Variants in TARS1 observed in about 807,000 individuals in gnomAD.
The protein encoded by TARS1 is threonyl-tRNA synthetase 1, also known as threonine--tRNA ligase 1, cytoplasmic.
Under a neutral mutation model 97.7 loss-of-function variants are expected in TARS1, and 57 were observed. The observed-to-expected ratio is 0.58, with a 90% CI of 0.47 to 0.73. The LOEUF is 0.73. Among genes scored for constraint, TARS1 ranks in the 30% least tolerant of loss-of-function variants. The pLI is 0.00. For missense variants in TARS1, 806 were observed against 888.3 expected (o/e 0.91, Z 1.18); for synonymous variants, 312 against 293.7 (o/e 1.06, Z -0.64).
chr5:33,441,274 G>A, intron 1 of TARS1, 131 bp downstream of exon 1: 6 of 1,080,614 alleles, frequency 5.6e-6, no homozygotes, highest in Non-Finnish European at 8.3e-6. Context: ...AGTGGGGGAT[G>A]GTGGGACTCC....
At position 33,468,079 on chromosome 5, in the gene TARS1, T is replaced by A. The variant is rs540848257; in HGVS notation, c.*371T>A. On this transcript the variant is annotated 3_prime_UTR_variant, in exon 19 of 19. Transcript: ENST00000265112. ...TTATGGTGTAAAAATAAAAAAAAAA[T>A]TTATTCACATAAGTTTCAAGACTGC... 12 of 174,956 alleles carry A rather than the reference T, an allele frequency of 6.9e-5. No individual in the cohort carries two copies. Among genetic ancestry groups the A allele is most frequent in the East Asian group, 1.7e-4 (1 of 5,874 alleles). The allele number at this position is 174,956 out of a possible 1,614,324, so 10.8% of individuals were successfully genotyped here. A position where few individuals can be genotyped will look rare whatever the true frequency, so the allele number is the denominator to read the frequency against.
chr5:33,443,341 C>CTCTCTCTCTCTCTCTCTCTCTCTCTCTT (rs1561066258), intron 1 of TARS1, among the ~76,000 whole-genome samples: 1 of 150,444 alleles, frequency 6.6e-6, no homozygotes, highest in African/African-American at 2.5e-5. Flanking sequence ...CTCTCTCTCT[C>CTCTCTCTCTCTCTCTCTCTCTCTCTCTT]TCTCTCTCTC....
chr5:33,459,553 A>G, intron 10 of TARS1, 142 bp from the exon 11 acceptor site: 1 of 984,824 alleles, frequency 1.0e-6, no homozygotes, highest in Non-Finnish European at 1.5e-6. Context: ...TCTCTGGTAT[A>G]TACTTAGAAG....
chr5:33,461,552 C>A, intron 13 of TARS1, 115 bp from the exon 14 acceptor site: 1 of 1,154,514 alleles, frequency 8.7e-7, no homozygotes, highest in Non-Finnish European at 1.2e-6. Context: ...GGACAAAATT[C>A]TAAAGCAGAG....
chr5:33,445,869 A>C (rs1006665338), intron 2 of TARS1, among the ~76,000 whole-genome samples: 2 of 152,212 alleles, frequency 1.3e-5, no homozygotes, highest in Admixed American at 1.3e-4. Context: ...CTTCTAAGCC[A>C]GGACAGATCC....
chr5:33,463,818 C>T lies in TARS1; in HGVS notation c.1901C>T (p.Ala634Val). 1 of 1,610,890 alleles carries T rather than the reference C, an allele frequency of 6.2e-7. No homozygotes were observed. The highest frequency in any genetic ancestry group is 8.5e-7 in the Non-Finnish European group (1 of 1,178,184). The change falls in exon 17 of 19, where the codon GCC (alanine) becomes GTC (valine). Residue 634 changes from alanine to valine, a missense_variant. Ala to Val is a moderately conservative substitution (Grantham distance 64). Transcript: ENST00000265112. ...GTGGGACCAACCTGTGATGAATATG[C>T]CCAAAAGGTAAGCCTTAGATATGAA... ...VPVGPTCDEY[A>V]QKVRQQFHDA...
rs61734318 is a variant in TARS1 at position 33,467,651 on chromosome 5, C to T, written c.2115C>T (p.Ile705=). The part of the protein sequence containing the change: ...VHGERTISET[I]ERLQQLKEFR... ...GGGAACGCACCATTTCTGAAACTAT[C>T]GAGCGGCTACAGCAGCTCAAAGAGT... The change falls in exon 19 of 19, where the codon ATC becomes ATT. Residue 705 remains isoleucine (I), a synonymous_variant. Transcript: ENST00000265112. The T allele has an allele frequency of 1.2e-5, 19 of 1,613,844 alleles. No individual in the cohort carries two copies. The highest frequency in any genetic ancestry group is 1.7e-5 in the Admixed American group (1 of 59,970).
chr5:33,464,219 A>G (rs1403816180), intron 17 of TARS1, among the ~76,000 whole-genome samples: 1 of 152,044 alleles, frequency 6.6e-6, no homozygotes, highest in South Asian at 2.1e-4. Context: ...ACCCAGTTAC[A>G]CTTGTATATT....
intron 2 of TARS1, among the ~76,000 whole-genome samples, chr5:33,447,283 G>A (rs1741465671): frequency 6.6e-6 from 1 of 152,208 alleles, no homozygotes; most frequent in Non-Finnish European, 1.5e-5. Context: ...GTCTCACTCT[G>A]TTGCCCAGGT....
chr5:33,456,772 T>C (rs1395863529), intron 8 of TARS1, among the ~76,000 whole-genome samples: 1 of 152,174 alleles, frequency 6.6e-6, no homozygotes. Context: ...GTGGGCAGTT[T>C]TGGGGGTATT....
intron 16 of TARS1, among the ~76,000 whole-genome samples, chr5:33,463,072 G>A (rs1742369552): frequency 6.6e-6 from 1 of 152,192 alleles, no homozygotes; most frequent in Non-Finnish European, 1.5e-5. Flanking sequence ...CCTGTTTTAG[G>A]TGGGGAAAAG....
At position 33,464,603 on chromosome 5, in the gene TARS1, C is replaced by G. The variant is rs149101495; in HGVS notation, c.1908+778C>G. Among the ~76,000 whole-genome samples, 149 of 152,348 alleles carry G rather than the reference C, an allele frequency of 9.8e-4. No individual in the cohort carries two copies. In the Middle Eastern group the frequency reaches 0.017, roughly 17 times the overall value. ...TCAGACCATCAGAATAAACCACACT[C>G]AGTTCTTAATTACCCTTAAGAAATA... is the stretch of plus-strand genomic sequence containing the variant. On this transcript the variant is annotated intron_variant, in intron 17 of 18. Transcript: ENST00000265112.
At chr5:33,441,482 T>G (rs977231960) in intron 1 of TARS1, 5 of 251,466 alleles carry the variant, frequency 2.0e-5, no homozygotes, top group African/African-American at 6.6e-5. Flanking sequence ...AACTTGCGTT[T>G]ATGGCTTACT....
chr5:33,455,720 G>T lies in TARS1; in HGVS notation c.693+16G>T, dbSNP rs1269570764. The T allele has an allele frequency of 2.0e-6, 3 of 1,521,942 alleles. No homozygotes were observed. In the Admixed American group the frequency reaches 5.1e-5, roughly 26 times the overall value. The allele number at this position is 1,521,942 out of a possible 1,614,324, so 94.3% of individuals were successfully genotyped here. A position where few individuals can be genotyped will look rare whatever the true frequency, so the allele number is the denominator to read the frequency against. On this transcript the variant is annotated intron_variant, in intron 6 of 18. Coordinates refer to ENST00000265112, the MANE Select transcript of TARS1 (RefSeq NM_152295.5). ...AATGTTTAAGGTAAATTGAACCATA[G>T]TGCGTGGCCCCCACTGTTAATATCA... is the stretch of plus-strand genomic sequence containing the variant.
In TARS1 at chr5:33,443,312, TCTCTCTCC is replaced by T. The variant is rs1431149627; in HGVS notation, c.58-2004_58-1997del. On this transcript the variant is annotated intron_variant, in intron 1 of 18. Transcript: ENST00000265112. ...AAAACCTTTGTGGTGATTCCCTCTCTCTCTCTCCCTCTCTCTCTCTCTCTCTCTCTCTC... is the reference window on the plus strand; with the variant it reads ...AAAACCTTTGTGGTGATTCCCTCTCTCTCTCTCTCTCTCTCTCTCTCTCTC... 3.3e-3 allele frequency among the ~76,000 whole-genome samples: 404 copies of T among 123,548 alleles called. 9 individuals carry two copies. Among genetic ancestry groups the T allele is most frequent in the Admixed American group, 8.8e-3 (107 of 12,162 alleles). 81.1% of individuals were successfully genotyped at this position (123,548 alleles called of 152,430 possible). A position where few individuals can be genotyped will look rare whatever the true frequency, so the allele number is the denominator to read the frequency against.
At chr5:33,443,050 C>A (rs560904009) in intron 1 of TARS1, among the ~76,000 whole-genome samples, 1 of 152,248 alleles carries the variant, frequency 6.6e-6, no homozygotes, top group Admixed American at 6.5e-5. Context: ...TGTTTCCCAA[C>A]TTTTGGGTTG....
intron 4 of TARS1, 39 bp from the exon 5 acceptor site, chr5:33,454,906 C>T (rs1443305865): frequency 1.7e-5 from 27 of 1,600,384 alleles, no homozygotes; most frequent in Non-Finnish European, 2.1e-5. Flanking sequence ...AACTTGTATG[C>T]CAAGACTCAG....
At position 33,449,667 on chromosome 5, in the gene TARS1, G is replaced by A. The variant is rs1205758106; in HGVS notation, c.329+936G>A. On this transcript the variant is annotated intron_variant, in intron 3 of 18. Coordinates refer to ENST00000265112, the MANE Select transcript of TARS1 (RefSeq NM_152295.5). ...AGACGGGGTTTCACCGTGCTAGCCA[G>A]GATGGTCTCGATCTCCTGACCTTGT... Among the ~76,000 whole-genome samples the A allele has an allele frequency of 5.9e-5, 9 of 151,912 alleles. No individual in the cohort carries two copies. The East Asian group carries it at 1.5e-3, about 26-fold the overall frequency.
chr5:33,442,564 C>T (rs1260250573), intron 1 of TARS1, among the ~76,000 whole-genome samples: 1 of 152,026 alleles, frequency 6.6e-6, no homozygotes, highest in Non-Finnish European at 1.5e-5. Context: ...GAGACGGAGT[C>T]TCGCTCTGTC....
Sources: allele counts gnomAD v4.1 joint callset (sites outside exome capture counted in the v4.1 genomes callset), GRCh38; gene constraint gnomAD v4.1.1; transcripts MANE v1.5; gene names NCBI Gene and HGNC (gene_info 2026-07-23, HGNC 2026-07-21).